Variants in GLIS3 observed in about 807,000 individuals in gnomAD.
GLIS3 encodes the protein zinc finger protein GLIS3.
GLIS3 carries 53 observed loss-of-function variants against 78.6 expected under a neutral mutation model. The observed-to-expected ratio is 0.67, with a 90% CI of 0.54 to 0.85. The LOEUF (loss-of-function observed/expected upper bound fraction) is 0.85. Among genes scored for constraint, GLIS3 ranks in the 40% least tolerant of loss-of-function variants. GLIS3 has a pLI of 0.00. For missense variants in GLIS3, 1,703 were observed against 1,231.1 expected, an observed-to-expected ratio of 1.38 and a Z score of -5.74; for synonymous variants, 684 against 509.9, an observed-to-expected ratio of 1.34 and a Z score of -4.60.
At chr9:4,281,296 C>T (rs768328318) in intron 2 of GLIS3, among the ~76,000 whole-genome samples, 39 of 152,038 alleles carry the variant, frequency 2.6e-4, no homozygotes, top group Non-Finnish European at 4.0e-4. Context: ...AGCATAAAAG[C>T]GATCGTCTTA....
chr9:4,190,723 A>G (rs867277039), intron 2 of GLIS3, among the ~76,000 whole-genome samples: 17 of 152,314 alleles, frequency 1.1e-4, no homozygotes, highest in Middle Eastern at 6.8e-3. Context: ...TCCAAGACAC[A>G]TAATTGTCAG....
the GLIS3 span, among the ~76,000 whole-genome samples, chr9:4,387,917 C>T: frequency 8.5e-5 from 13 of 152,134 alleles, no homozygotes; most frequent in Non-Finnish European, 1.3e-4. Context: ...CTAATCATTG[C>T]TTCTTTTATT....
chr9:4,372,209 C>A, the GLIS3 span, among the ~76,000 whole-genome samples: 3 of 152,176 alleles, frequency 2.0e-5, no homozygotes, highest in Non-Finnish European at 4.4e-5. Flanking sequence ...ATGTATGTAC[C>A]ACCCGTGCAG....
chr9:4,374,783 G>C, the GLIS3 span, among the ~76,000 whole-genome samples: 1 of 152,228 alleles, frequency 6.6e-6, no homozygotes, highest in African/African-American at 2.4e-5. Context: ...AAGTCAATTA[G>C]CTACACTCGG....
intron 8 of GLIS3, among the ~76,000 whole-genome samples, chr9:3,862,797 G>A (rs1039748875): frequency 1.3e-5 from 2 of 152,122 alleles, no homozygotes; most frequent in African/African-American, 4.8e-5. Flanking sequence ...ACCTCCCAAA[G>A]AAGGAAGGAT....
chr9:4,184,746 T>G (rs1251982169), intron 2 of GLIS3, among the ~76,000 whole-genome samples: 1 of 152,208 alleles, frequency 6.6e-6, no homozygotes, highest in African/African-American at 2.4e-5. Flanking sequence ...CTATACAACA[T>G]CTGATAAAGT....
chr9:3,918,895 C>G (rs1399840152), intron 6 of GLIS3, among the ~76,000 whole-genome samples: 2 of 152,192 alleles, frequency 1.3e-5, no homozygotes, highest in Admixed American at 6.5e-5. Context: ...TGTTCACCAA[C>G]CAACCTTTTG....
chr9:4,299,944 G>C lies in GLIS3; in HGVS notation c.-622C>G, dbSNP rs1158679707. On this transcript the variant is annotated 5_prime_UTR_variant, in exon 1 of 11. Coordinates refer to ENST00000381971, the MANE Select transcript of GLIS3 (RefSeq NM_001042413.2). ...AGGGGCAGTGGCCGCGGCACTCGCC[G>C]CCGGTGCCCGTGCGCGCCGCGCTCT... The C allele has an allele frequency of 1.3e-5, 2 of 152,034 alleles. No homozygotes were observed. The highest frequency in any genetic ancestry group is 2.4e-5 in the African/African-American group (1 of 41,410). 9.4% of individuals were successfully genotyped at this position (152,034 alleles called of 1,614,324 possible).
chr9:4,118,219 G>A lies in GLIS3; in HGVS notation c.1259C>T (p.Pro420Leu). 8 of 1,584,298 alleles carry A rather than the reference G, an allele frequency of 5.0e-6. No homozygotes were observed. In the East Asian group the frequency reaches 1.8e-4, roughly 36 times the overall value. ...HMVVQHGLPG[P>L]DSQSAGLFKT... is the part of the protein sequence containing the mutation. ...GAACAGGCCGGCCGACTGGCTGTCG[G>A]GGCCCGGCAGGCCATGCTGCACCAC... The change falls in exon 4 of 11, where the codon CCC becomes CTC. Residue 420 changes from proline (P) to leucine (L), a missense_variant. Physicochemically the swap from Pro to Leu is moderately conservative, Grantham distance 98. Coordinates refer to ENST00000381971, the MANE Select transcript of GLIS3 (RefSeq NM_001042413.2). The surrounding 1 kb of genome is among the most constrained non-coding windows in gnomAD (Gnocchi z 4.7).
At chr9:4,270,436 C>A (rs1281536363) in intron 2 of GLIS3, among the ~76,000 whole-genome samples, 1 of 152,128 alleles carries the variant, frequency 6.6e-6, no homozygotes, top group Non-Finnish European at 1.5e-5. Flanking sequence ...GCTTCAGGGT[C>A]TCCCTAGGAT....
intron 2 of GLIS3, among the ~76,000 whole-genome samples, chr9:4,317,738 A>G (rs1233918408): frequency 3.3e-5 from 5 of 152,244 alleles, no homozygotes; most frequent in Admixed American, 3.3e-4. Flanking sequence ...AGTTCCTACT[A>G]TGTGAAACAT....
intron 2 of GLIS3, among the ~76,000 whole-genome samples, chr9:4,270,426 G>A (rs964620402): frequency 6.6e-6 from 1 of 152,164 alleles, no homozygotes; most frequent in African/African-American, 2.4e-5. Context: ...TGGGTCCTCT[G>A]CTTCAGGGTC....
upstream of GLIS3, among the ~76,000 whole-genome samples, chr9:4,349,306 C>T (rs756779884): frequency 1.3e-4 from 20 of 152,172 alleles, no homozygotes; most frequent in African/African-American, 4.6e-4. Flanking sequence ...CATATTTCTC[C>T]AAGTAGATTA....
the GLIS3 span, among the ~76,000 whole-genome samples, chr9:4,485,219 T>G: frequency 6.6e-6 from 1 of 152,114 alleles, no homozygotes; most frequent in Non-Finnish European, 1.5e-5. Context: ...TTCACCATGT[T>G]GGCCAGGCTG....
At chr9:4,037,583 CAG>C (rs945042685) in intron 4 of GLIS3, among the ~76,000 whole-genome samples, 22 of 144,156 alleles carry the variant, frequency 1.5e-4, no homozygotes, top group Non-Finnish European at 2.5e-4. Context: ...CACACACACA[CAG>C]AGACAATAAA....
intron 2 of GLIS3, among the ~76,000 whole-genome samples, chr9:4,139,459 GGTGGACACAACTGTTGATATGTCT>G (rs1218536535): frequency 9.9e-5 from 15 of 152,188 alleles, no homozygotes; most frequent in Non-Finnish European, 1.9e-4. Context: ...TGAGGTCCCT[GGTGGACACAACTGTTGATATGTCT>G]CTAAATTACT....
intron 6 of GLIS3, among the ~76,000 whole-genome samples, chr9:3,905,792 C>T (rs1365120244): frequency 6.6e-6 from 1 of 152,158 alleles, no homozygotes; most frequent in East Asian, 1.9e-4. Context: ...ACTCTTTCTC[C>T]TGATTCTGAC....
intron 2 of GLIS3, among the ~76,000 whole-genome samples, chr9:4,343,703 T>C (rs889834095): frequency 4.6e-5 from 7 of 152,150 alleles, no homozygotes; most frequent in African/African-American, 1.7e-4. Context: ...GAAAATGCGG[T>C]ACATACACAC....
chr9:3,904,873 T>C (rs1355268959), intron 6 of GLIS3, among the ~76,000 whole-genome samples: 1 of 152,152 alleles, frequency 6.6e-6, no homozygotes, highest in Non-Finnish European at 1.5e-5. Context: ...TCTCAGACAT[T>C]ACATTATACT....
Sources: gnomAD v4.1 joint callset for allele counts (sites outside exome capture counted in the v4.1 genomes callset) on GRCh38, gnomAD v4.1.1 for gene constraint, Gnocchi (gnomAD v3.1) non-coding constraint, MANE v1.5 for transcripts, NCBI Gene and HGNC (gene_info 2026-07-23, HGNC 2026-07-21) for gene names.